NFXL1: variants seen among roughly 807,000 people sequenced by gnomAD.
NFXL1 encodes nuclear transcription factor, X-box binding like 1, also known as NF-X1-type zinc finger protein NFXL1.
NFXL1 carries 66 observed loss-of-function variants against 123.3 expected under a neutral mutation model. The ratio of observed to expected loss-of-function variants is 0.54; its 90% CI spans 0.44 to 0.66. NFXL1 has a LOEUF of 0.66. NFXL1 is among the 30% of genes least tolerant of loss of function. The pLI is 0.00. For missense variants in NFXL1, 944 were observed against 1,125.6 expected (o/e 0.84, Z 2.31); for synonymous variants, 346 against 360.8 (o/e 0.96, Z 0.46).
chr4:47,857,259 T>C (rs1390192571), intron 19 of NFXL1, among the ~76,000 whole-genome samples: 1 of 152,156 alleles, frequency 6.6e-6, no homozygotes, highest in African/African-American at 2.4e-5. Flanking sequence ...CTTCCAGCTA[T>C]TTGGAAATAT....
intron 19 of NFXL1, 110 bp from the exon 20 acceptor site, chr4:47,855,273 A>C: frequency 3.9e-6 from 2 of 510,462 alleles, no homozygotes; most frequent in Non-Finnish European, 7.1e-6. Context: ...GGGTCAATCA[A>C]TCCTAGCTAA....
intron 9 of NFXL1, 57 bp from the exon 10 acceptor site, chr4:47,896,704 A>C (rs1737108655): frequency 1.6e-6 from 2 of 1,263,672 alleles, no homozygotes; most frequent in South Asian, 2.5e-5. Flanking sequence ...AAACATCAAC[A>C]AAGTGCCATG....
rs762526388 is a variant in NFXL1, at chr4:47,851,164, C to G, written c.2509-16G>C. On this transcript the variant is annotated splice_polypyrimidine_tract_variant and intron_variant, in intron 21 of 22. Coordinates refer to ENST00000507489, the MANE Select transcript of NFXL1 (RefSeq NM_001278624.2). ...CTTCTTTTATCTGTTTATACACATA[C>G]AAAAGTCAATTTACAATTTAGTCAT... 1.9e-6 allele frequency: 3 copies of G among 1,590,186 alleles called. No individual in the cohort carries two copies. The South Asian group carries it at 3.3e-5, about 18-fold the overall frequency.
rs571196112 is a variant in NFXL1 at position 47,878,788 on chromosome 4, GAAT to G, written c.1939-126_1939-124del. On this transcript the variant is annotated intron_variant, in intron 16 of 22. Coordinates refer to ENST00000507489, the MANE Select transcript of NFXL1 (RefSeq NM_001278624.2). The stretch of plus-strand genomic sequence containing the variant: ...GTTTCAGAAAGGTATAAGTTTGCAC[GAAT>G]AATAATAATATCAAAATCAAAGTAA... 689 of 636,794 alleles carry G rather than the reference GAAT, an allele frequency of 1.1e-3. 1 individual carries two copies. The highest frequency in any genetic ancestry group is 1.5e-3 in the Non-Finnish European group (604 of 402,158). 39.4% of individuals were successfully genotyped at this position (636,794 alleles called of 1,614,324 possible). A position where few individuals can be genotyped will look rare whatever the true frequency, so the allele number is the denominator to read the frequency against.
At chr4:47,894,387 T>C (rs549490553) in intron 10 of NFXL1, 85 bp from the exon 11 acceptor site, 46 of 957,514 alleles carry the variant, frequency 4.8e-5, no homozygotes, top group Middle Eastern at 4.8e-4. Flanking sequence ...TATTAAAACA[T>C]AATGAACAAA....
chr4:47,894,358 A>AC, intron 10 of NFXL1, 56 bp from the exon 11 acceptor site: 1 of 1,312,192 alleles, frequency 7.6e-7, no homozygotes, highest in Non-Finnish European at 1.0e-6. Flanking sequence ...TTTTTTCCTC[A>AC]CATTGCAACT....
At chr4:47,862,965 A>AT (rs1420505216) in intron 18 of NFXL1, 50 bp from the exon 19 acceptor site, 4 of 974,310 alleles carry the variant, frequency 4.1e-6, no homozygotes, top group Admixed American at 4.8e-5. Context: ...ATTTTATAGC[A>AT]TAATTTTTCT....
chr4:47,912,342 C>CA lies in NFXL1; in HGVS notation c.236-1349dup, dbSNP rs960590061. Among the ~76,000 whole-genome samples, 43 of 152,260 alleles carry CA rather than the reference C, an allele frequency of 2.8e-4. No homozygotes were observed. In the East Asian group the frequency reaches 5.8e-3, roughly 21 times the overall value. On this transcript the variant is annotated intron_variant, in intron 2 of 22. Coordinates refer to ENST00000507489, the MANE Select transcript of NFXL1 (RefSeq NM_001278624.2). ...ACATTCATAACCTGATAAATGTATT[C>CA]ACCTAACATCATCTCAAAGTAAAGA...
chr4:47,889,319 A>G (rs547549002), intron 12 of NFXL1, among the ~76,000 whole-genome samples: 1 of 152,318 alleles, frequency 6.6e-6, no homozygotes, highest in South Asian at 2.1e-4. Context: ...TGTTGGTGAG[A>G]GCATACCTGA....
At chr4:47,880,057 C>T (rs55749210) in intron 15 of NFXL1, among the ~76,000 whole-genome samples, 2,361 of 151,986 alleles carry the variant, frequency 0.016, 65 homozygotes, top group African/African-American at 0.054. Context: ...TGATAGACGT[C>T]ATTATACTAA....
intron 18 of NFXL1, among the ~76,000 whole-genome samples, chr4:47,867,402 A>G (rs1466028306): frequency 6.6e-6 from 1 of 152,142 alleles, no homozygotes; most frequent in African/African-American, 2.4e-5. Flanking sequence ...GAGATATAGA[A>G]AAAAGTATCA....
At chr4:47,885,026 C>CT (rs1413911792) in intron 14 of NFXL1, among the ~76,000 whole-genome samples, 4 of 151,400 alleles carry the variant, frequency 2.6e-5, no homozygotes, top group African/African-American at 9.7e-5. Context: ...ACTCAGGAGG[C>CT]TAAGGCACGA....
intron 5 of NFXL1, 78 bp downstream of exon 5, chr4:47,903,115 T>C: frequency 1.0e-6 from 1 of 997,922 alleles, no homozygotes; most frequent in Non-Finnish European, 1.4e-6. Context: ...AGATCGCCAC[T>C]GCACTCCAGC....
intron 18 of NFXL1, among the ~76,000 whole-genome samples, chr4:47,874,097 T>C (rs1735597951): frequency 6.6e-6 from 1 of 152,242 alleles, no homozygotes; most frequent in South Asian, 2.1e-4. Context: ...TCTCTAAATG[T>C]TGTGGCTGCT....
chr4:47,852,040 G>C, intron 20 of NFXL1, 98 bp from the exon 21 acceptor site: 4 of 703,810 alleles, frequency 5.7e-6, no homozygotes. Flanking sequence ...AAGGTTATAA[G>C]TATTATTTGA....
In NFXL1 at chr4:47,903,234, C is replaced by T. The variant is rs532705810; in HGVS notation, c.606G>A (p.Val202=). The T allele has an allele frequency of 7.5e-6, 12 of 1,599,648 alleles. No homozygotes were observed. In the South Asian group the frequency reaches 1.2e-4, roughly 16 times the overall value. Residue 202 remains valine (V), a synonymous_variant, in exon 5 of 23, where the codon GTG becomes GTA. Transcript: ENST00000507489. ...CTTTCTTTCCAAAATCATCATCAGT[C>T]ACAGAAGATACAAGAAACTGGCTGT... ...AKDSQFLVSS[V]TDDDFGKKDC... is the part of the protein sequence containing the mutation.
intron 12 of NFXL1, among the ~76,000 whole-genome samples, chr4:47,887,272 G>A (rs566467882): frequency 1.3e-5 from 2 of 152,270 alleles, no homozygotes; most frequent in Non-Finnish European, 2.9e-5. Flanking sequence ...TAAAGAGACT[G>A]TTGCCTAGGT....
At chr4:47,905,442 A>C in intron 3 of NFXL1, 96 bp from the exon 4 acceptor site, 3 of 590,804 alleles carry the variant, frequency 5.1e-6, no homozygotes, top group Non-Finnish European at 9.2e-6. Context: ...CTGTCTAGCA[A>C]TATCAATTGC....
intron 13 of NFXL1, 28 bp downstream of exon 13, chr4:47,885,851 G>A (rs1736395886): frequency 1.9e-6 from 3 of 1,593,368 alleles, no homozygotes; most frequent in Non-Finnish European, 2.6e-6. Flanking sequence ...AACATCAGAT[G>A]GAAGCTTGTG....
Sources: gnomAD v4.1 joint callset for allele counts (sites outside exome capture counted in the v4.1 genomes callset) on GRCh38, gnomAD v4.1.1 for gene constraint, MANE v1.5 for transcripts, NCBI Gene and HGNC (gene_info 2026-07-23, HGNC 2026-07-21) for gene names.